CLASP2: variants seen among roughly 807,000 people sequenced by gnomAD.
CLASP2 encodes cytoplasmic linker associated protein 2.
CLASP2 carries 47 observed loss-of-function variants against 194.4 expected under a neutral mutation model. The ratio of observed to expected loss-of-function variants is 0.24; its 90% CI spans 0.19 to 0.31. The LOEUF (loss-of-function observed/expected upper bound fraction) is 0.31. CLASP2 is among the 10% of genes least tolerant of loss of function. CLASP2 has a pLI of 1.00. For synonymous variants in CLASP2, 619 were observed against 633.5 expected (o/e 0.98, Z 0.34); for missense variants, 1,445 against 1,823.6 (o/e 0.79, Z 3.78).
intron 1 of CLASP2, among the ~76,000 whole-genome samples, chr3:33,716,691 GT>G (rs2093316498): frequency 6.6e-6 from 1 of 152,062 alleles, no homozygotes; most frequent in Admixed American, 6.5e-5. Context: ...TTCCCCAAAC[GT>G]TTTAAAAATA....
chr3:33,663,541 T>C (rs1436557543), intron 6 of CLASP2, 26 bp from the exon 7 acceptor site: 5 of 1,528,440 alleles, frequency 3.3e-6, no homozygotes, highest in Admixed American at 3.4e-5. Flanking sequence ...AAATTGGGTT[T>C]GTTTGATTTT....
intron 34 of CLASP2, 122 bp from the exon 35 acceptor site, chr3:33,517,296 A>T (rs933693462): frequency 3.1e-5 from 23 of 751,790 alleles, no homozygotes; most frequent in Non-Finnish European, 4.2e-5. Context: ...AAAAAGACAA[A>T]GAAAAAAGAC....
rs187660014 is a variant in CLASP2, at chr3:33,520,608, C to G, written c.3788-3434G>C. 4.2e-3 allele frequency among the ~76,000 whole-genome samples: 639 copies of G among 151,964 alleles called. 1 individual carries two copies. The highest frequency in any genetic ancestry group is 7.7e-3 in the Non-Finnish European group (523 of 67,946). ...TAGCAGGATGAGGAGTAGATCTGTGCAAGTAAGGAGGTAATAGCAGAGATA... is the reference window on the plus strand; with the variant it reads ...TAGCAGGATGAGGAGTAGATCTGTGGAAGTAAGGAGGTAATAGCAGAGATA... On this transcript the variant is annotated intron_variant, in intron 34 of 38. Coordinates refer to ENST00000682230, the MANE Select transcript of CLASP2 (RefSeq NM_001365631.1).
intron 11 of CLASP2, 103 bp from the exon 12 acceptor site, chr3:33,619,841 G>A: frequency 2.0e-6 from 2 of 1,008,526 alleles, no homozygotes; most frequent in Non-Finnish European, 2.7e-6. Context: ...TTAGGAATTT[G>A]TATTTTAATC....
intron 2 of CLASP2, 24 bp downstream of exon 2, chr3:33,696,831 T>G: frequency 7.0e-7 from 1 of 1,430,928 alleles, no homozygotes; most frequent in Non-Finnish European, 9.7e-7. Flanking sequence ...TATTTAGAAT[T>G]GTAAATAAAC....
chr3:33,716,870 G>C (rs562380399), intron 1 of CLASP2, among the ~76,000 whole-genome samples: 9 of 152,286 alleles, frequency 5.9e-5, no homozygotes, highest in African/African-American at 2.2e-4. Context: ...AGGTTTCAAA[G>C]TACAGCCTAT....
intron 37 of CLASP2, 170 bp from the exon 38 acceptor site, chr3:33,501,938 C>T: frequency 5.4e-6 from 3 of 560,188 alleles, no homozygotes; most frequent in Non-Finnish European, 9.6e-6. Context: ...CAATGCCCTT[C>T]TCTCCCTTCA....
intron 1 of CLASP2, among the ~76,000 whole-genome samples, chr3:33,698,204 T>C (rs926733707): frequency 2.4e-4 from 37 of 152,056 alleles, no homozygotes; most frequent in African/African-American, 7.7e-4. Context: ...AAATAAAAGT[T>C]TGAAGCTCCT....
intron 27 of CLASP2, 91 bp downstream of exon 27, chr3:33,566,641 T>A: frequency 2.5e-6 from 1 of 405,184 alleles, no homozygotes. Flanking sequence ...CAACACTGCA[T>A]GAACTCTTTG....
intron 1 of CLASP2, among the ~76,000 whole-genome samples, chr3:33,704,347 C>T (rs1357206550): frequency 6.6e-6 from 1 of 152,156 alleles, no homozygotes; most frequent in Admixed American, 6.6e-5. Context: ...TATGAGAAAT[C>T]TGTCTCTCTT....
intron 6 of CLASP2, among the ~76,000 whole-genome samples, chr3:33,678,584 C>G (rs1469291919): frequency 6.6e-6 from 1 of 152,012 alleles, no homozygotes; most frequent in Admixed American, 6.5e-5. Flanking sequence ...GAAATAAAGA[C>G]TTTCTCAAAA....
At chr3:33,527,907 G>A (rs994835494) in intron 34 of CLASP2, among the ~76,000 whole-genome samples, 6 of 152,154 alleles carry the variant, frequency 3.9e-5, no homozygotes. Flanking sequence ...AAGTTGCAGA[G>A]AGCCGAGATC....
chr3:33,624,630 A>G (rs6807303), intron 10 of CLASP2, among the ~76,000 whole-genome samples: 11,077 of 152,102 alleles, frequency 0.073, 1,088 homozygotes, highest in African/African-American at 0.23. Context: ...TTTAATTTAT[A>G]AATTAGGCAC....
intron 8 of CLASP2, among the ~76,000 whole-genome samples, chr3:33,637,539 AAAAAAGAAAAAAG>A (rs1441312163): frequency 3.3e-5 from 5 of 152,164 alleles, no homozygotes; most frequent in African/African-American, 1.2e-4. Context: ...GTATCAAACA[AAAAAAGAAAAAAG>A]AAAAAGAAAA....
intron 6 of CLASP2, among the ~76,000 whole-genome samples, 166 bp from the exon 7 acceptor site, chr3:33,663,681 C>T (rs1240949829): frequency 6.6e-6 from 1 of 152,032 alleles, no homozygotes; most frequent in African/African-American, 2.4e-5. Context: ...ACACAAAACC[C>T]ATCTCTCTTC....
intron 1 of CLASP2, among the ~76,000 whole-genome samples, chr3:33,708,550 A>ATATATGTATATATG: frequency 6.9e-6 from 1 of 143,942 alleles, no homozygotes; most frequent in East Asian, 2.0e-4. Context: ...ATATGTATAT[A>ATATATGTATATATG]TATATATATA....
At chr3:33,592,279 T>G in intron 21 of CLASP2, 116 bp downstream of exon 21, 1 of 803,526 alleles carries the variant, frequency 1.2e-6, no homozygotes, top group Non-Finnish European at 2.1e-6. Context: ...GGCTTGTCTT[T>G]TTTTAAATTA....
Position 33,608,515 on chromosome 3 carries a change from G to A in CLASP2, c.1448+52C>T, listed in dbSNP as rs989068395. 3 of 1,373,186 alleles carry A rather than the reference G, an allele frequency of 2.2e-6. No individual in the cohort carries two copies. The African/African-American group carries it at 4.3e-5, about 20-fold the overall frequency. 85.1% of individuals were successfully genotyped at this position (1,373,186 alleles called of 1,614,324 possible). A position where few individuals can be genotyped will look rare whatever the true frequency, so the allele number is the denominator to read the frequency against. On this transcript the variant is annotated intron_variant, in intron 14 of 38. Coordinates refer to ENST00000682230, the MANE Select transcript of CLASP2 (RefSeq NM_001365631.1). The stretch of plus-strand genomic sequence containing the variant: ...AAAACCAATACCATCAACTTCTAAA[G>A]AACTGGTGACAATGGGGAGGAAAGT...
chr3:33,662,938 T>G (rs2085518912), intron 7 of CLASP2, among the ~76,000 whole-genome samples: 1 of 152,014 alleles, frequency 6.6e-6, no homozygotes, highest in African/African-American at 2.4e-5. Context: ...AATTCCAACT[T>G]GGTCTCATTC....
Sources: allele counts gnomAD v4.1 joint callset (sites outside exome capture counted in the v4.1 genomes callset), GRCh38; gene constraint gnomAD v4.1.1; transcripts MANE v1.5; gene names NCBI Gene and HGNC (gene_info 2026-07-23, HGNC 2026-07-21).